The following ROBO1 variants were observed in gnomAD, a reference collection of about 807,000 sequenced individuals.
ROBO1 encodes roundabout guidance receptor 1.
ROBO1 carries 149 observed loss-of-function variants against 195.9 expected under a neutral mutation model. That is an observed-to-expected ratio of 0.76 (90% CI 0.67 to 0.87). ROBO1 has a LOEUF of 0.87. ROBO1 is among the 40% of genes least tolerant of loss of function. The pLI, the probability that ROBO1 is intolerant of heterozygous loss-of-function variation, is 0.00. For synonymous variants in ROBO1, 816 were observed against 733.2 expected (o/e 1.11, Z -1.82); for missense variants, 1,933 against 2,068.3 (o/e 0.93, Z 1.27).
chr3:78,660,845 A>T (rs1707348399), intron 16 of ROBO1, 185 bp downstream of exon 16: 1 of 516,472 alleles, frequency 1.9e-6, no homozygotes, highest in Admixed American at 3.4e-5. Flanking sequence ...AAGCAAGTCA[A>T]CTATTATAGC....
At chr3:78,653,206 T>C (rs138509892) in intron 18 of ROBO1, among the ~76,000 whole-genome samples, 1 of 148,356 alleles carries the variant, frequency 6.7e-6, no homozygotes, top group Non-Finnish European at 1.5e-5. Context: ...CAATTTCCAG[T>C]TCCCTGCCTC....
At chr3:78,633,509 A>G (rs548142266) in intron 24 of ROBO1, among the ~76,000 whole-genome samples, 2 of 152,224 alleles carry the variant, frequency 1.3e-5, no homozygotes, top group South Asian at 4.1e-4. Context: ...ATCTCATGTT[A>G]TTGTCTCTCC....
At chr3:78,996,705 C>T (rs996153298) in intron 3 of ROBO1, among the ~76,000 whole-genome samples, 2 of 151,610 alleles carry the variant, frequency 1.3e-5, no homozygotes, top group Non-Finnish European at 1.5e-5. Context: ...TGCACACATA[C>T]ACACACACAA....
chr3:78,673,605 T>TACATATATATATATATATATAC (rs1708225243), intron 10 of ROBO1, among the ~76,000 whole-genome samples: 2 of 53,280 alleles, frequency 3.8e-5, no homozygotes, highest in African/African-American at 1.4e-4. Flanking sequence ...TATATATATA[T>TACATATATATATATATATATAC]ACACACATAT....
intron 8 of ROBO1, among the ~76,000 whole-genome samples, chr3:78,699,661 T>C (rs1332900756): frequency 6.6e-6 from 1 of 151,812 alleles, no homozygotes; most frequent in Non-Finnish European, 1.5e-5. Context: ...TCCTTCAACA[T>C]GGTCCTATTG....
chr3:78,629,223 C>T, intron 25 of ROBO1, among the ~76,000 whole-genome samples: 1 of 152,146 alleles, frequency 6.6e-6, no homozygotes, highest in East Asian at 1.9e-4. Context: ...ACAAATGTAG[C>T]CAATCACGAA....
chr3:78,833,746 A>C (rs1352196349), intron 4 of ROBO1, among the ~76,000 whole-genome samples: 1 of 152,196 alleles, frequency 6.6e-6, no homozygotes, highest in Non-Finnish European at 1.5e-5. Flanking sequence ...TAAAGGTGGA[A>C]ATGACCAATA....
intron 4 of ROBO1, among the ~76,000 whole-genome samples, chr3:78,840,248 G>T (rs2033087288): frequency 6.6e-6 from 1 of 152,208 alleles, no homozygotes; most frequent in African/African-American, 2.4e-5. Context: ...AAAACAAAAT[G>T]CTGCGATTTG....
chr3:78,617,877 A>C lies in ROBO1; in HGVS notation c.4040T>G (p.Leu1347Trp), dbSNP rs1169192243. 2.0e-5 allele frequency: 33 copies of C among 1,613,870 alleles called. No homozygotes were observed. Among genetic ancestry groups the C allele is most frequent in the Non-Finnish European group, 2.6e-5 (31 of 1,179,894 alleles). Residue 1347 changes from leucine to tryptophan, a missense_variant, in exon 27 of 31, where the codon TTG (leucine) becomes TGG (tryptophan). By Grantham distance (61) the Leu-to-Trp change is moderately conservative. Around this residue, in one of 3 missense-constraint regions of ROBO1, gnomAD observed 1,737 missense variants for 1,882.5 expected, o/e 0.92. Coordinates refer to ENST00000464233, the MANE Select transcript of ROBO1 (RefSeq NM_002941.4). ...EVAKMQTRRL[L>W]LRGLEQTPAS... ...AGGTGTCTGCTCAAGCCCACGTAACAAAAGCCTTCTGGTTTGCATCTTGGC... is the reference window on the plus strand; with the variant it reads ...AGGTGTCTGCTCAAGCCCACGTAACCAAAGCCTTCTGGTTTGCATCTTGGC...
chr3:79,305,855 C>G lies in ROBO1; in HGVS notation c.89-180316G>C, dbSNP rs540215406. ...TTGTTCACTATTGGAGTATAAGAAACAGAAATAATTTCCTTTATCTAATAG... is the reference window on the plus strand; with the variant it reads ...TTGTTCACTATTGGAGTATAAGAAAGAGAAATAATTTCCTTTATCTAATAG... On this transcript the variant is annotated intron_variant, in intron 2 of 30. Coordinates refer to ENST00000464233, the MANE Select transcript of ROBO1 (RefSeq NM_002941.4). Among the ~76,000 whole-genome samples the G allele has an allele frequency of 2.6e-5, 4 of 152,018 alleles. No individual in the cohort carries two copies. The East Asian group carries it at 7.8e-4, about 29-fold the overall frequency.
rs927394988 is a variant in ROBO1, at chr3:79,628,489, G to A, written c.-50-38528C>T. Among the ~76,000 whole-genome samples the A allele has an allele frequency of 1.2e-4, 18 of 152,258 alleles. No homozygotes were observed. The East Asian group carries it at 2.7e-3, about 23-fold the overall frequency. ...CACACATCAGGGCCTGTTGGGGGAT[G>A]AGGGCTGAGGGAAGGGAACTTAGAG... On this transcript the variant is annotated intron_variant, in intron 1 of 30. Transcript: ENST00000464233.
At chr3:79,084,378 A>G (rs1302156824) in intron 3 of ROBO1, among the ~76,000 whole-genome samples, 5 of 152,106 alleles carry the variant, frequency 3.3e-5, no homozygotes, top group Non-Finnish European at 5.9e-5. Context: ...CATGCCTGTA[A>G]TCCCCGCTAC....
intron 3 of ROBO1, among the ~76,000 whole-genome samples, chr3:79,120,037 G>T (rs1031856422): frequency 6.6e-6 from 1 of 152,150 alleles, no homozygotes; most frequent in Admixed American, 6.5e-5. Context: ...TTCCCAAACT[G>T]CTGGGATTAC....
intron 3 of ROBO1, among the ~76,000 whole-genome samples, chr3:79,000,531 C>G (rs1391126155): frequency 6.6e-6 from 1 of 152,108 alleles, no homozygotes; most frequent in Non-Finnish European, 1.5e-5. Flanking sequence ...AAAAGCTCAT[C>G]ATCACTGGTC....
chr3:78,755,863 TA>T (rs1191984006), intron 4 of ROBO1, among the ~76,000 whole-genome samples: 2 of 152,182 alleles, frequency 1.3e-5, no homozygotes, highest in East Asian at 3.8e-4. Flanking sequence ...TTTCATTGGT[TA>T]AAAAATATTA....
intron 3 of ROBO1, among the ~76,000 whole-genome samples, chr3:79,043,748 C>G (rs960961959): frequency 6.6e-6 from 1 of 152,012 alleles, no homozygotes; most frequent in Non-Finnish European, 1.5e-5. Context: ...CAGCAACCAC[C>G]TACAGCTAAA....
intron 4 of ROBO1, among the ~76,000 whole-genome samples, chr3:78,916,261 A>C (rs931293583): frequency 7.7e-5 from 11 of 142,104 alleles, no homozygotes; most frequent in Admixed American, 7.1e-4. Flanking sequence ...AAAAAAAAAA[A>C]ACAACTTTAT....
intron 8 of ROBO1, among the ~76,000 whole-genome samples, chr3:78,711,988 C>A (rs2081763587): frequency 9.7e-6 from 1 of 103,398 alleles, no homozygotes; most frequent in Non-Finnish European, 1.9e-5. Context: ...TAGAAAACAG[C>A]AGAATTTGGG....
At chr3:79,451,831 G>C (rs2039450450) in intron 2 of ROBO1, among the ~76,000 whole-genome samples, 1 of 151,932 alleles carries the variant, frequency 6.6e-6, no homozygotes, top group African/African-American at 2.4e-5. Flanking sequence ...AATTAAGAGA[G>C]AGGTCTTGCT....
Sources: gnomAD v4.1 joint callset for allele counts (sites outside exome capture counted in the v4.1 genomes callset) on GRCh38, gnomAD v4.1.1 for gene constraint, gnomAD v4.1.1 regional missense constraint, MANE v1.5 for transcripts, NCBI Gene and HGNC (gene_info 2026-07-23, HGNC 2026-07-21) for gene names.